PLCZ1: variants seen among roughly 807,000 people sequenced by gnomAD.
PLCZ1 encodes phospholipase C zeta 1.
Under a neutral mutation model 76.8 loss-of-function variants are expected in PLCZ1, and 64 were observed. The observed-to-expected ratio is 0.83, with a 90% CI of 0.68 to 1.03. The LOEUF (loss-of-function observed/expected upper bound fraction) is 1.03, where lower values mean the gene tolerates loss of function less well. PLCZ1 is among the 50% of genes least tolerant of loss of function. The pLI is 0.00. For synonymous variants in PLCZ1, 248 were observed against 230.8 expected, an observed-to-expected ratio of 1.07 and a Z score of -0.68; for missense variants, 751 against 713.7, an observed-to-expected ratio of 1.05 and a Z score of -0.60.
At chr12:18,656,423 G>T in the PLCZ1 span, among the ~76,000 whole-genome samples, 3 of 152,050 alleles carry the variant, frequency 2.0e-5, no homozygotes, top group South Asian at 2.1e-4. Flanking sequence ...AAAATTAGCT[G>T]GGCATGGTGG....
intron 4 of PLCZ1, among the ~76,000 whole-genome samples, chr12:18,721,953 T>C (rs754674677): frequency 3.9e-5 from 6 of 152,032 alleles, no homozygotes; most frequent in Non-Finnish European, 4.4e-5. Flanking sequence ...TAAGAACCTA[T>C]ATGGTTTGAT....
the PLCZ1 span, among the ~76,000 whole-genome samples, chr12:18,659,755 T>A: frequency 1.3e-5 from 2 of 151,330 alleles, no homozygotes; most frequent in Non-Finnish European, 2.9e-5. Context: ...ACACGTGCCA[T>A]ATTGGTGTGC....
intron 13 of PLCZ1, among the ~76,000 whole-genome samples, chr12:18,686,390 A>C (rs536360404): frequency 2.0e-5 from 3 of 152,096 alleles, no homozygotes; most frequent in African/African-American, 7.2e-5. Context: ...GACCCTCCCT[A>C]AATAATTTTC....
chr12:18,734,278 C>G (rs555246691), intron 3 of PLCZ1, among the ~76,000 whole-genome samples: 48 of 152,260 alleles, frequency 3.2e-4, no homozygotes, highest in African/African-American at 1.1e-3. Context: ...AGAAATGCAA[C>G]ACATTTTTAC....
chr12:18,685,612 A>G (rs1411277011), intron 13 of PLCZ1: 1 of 516,430 alleles, frequency 1.9e-6, no homozygotes, highest in Admixed American at 1.9e-5. Context: ...CCACAGAAAT[A>G]GTAAACTAAT....
At chr12:18,671,868 CA>C in the PLCZ1 span, among the ~76,000 whole-genome samples, 1 of 152,136 alleles carries the variant, frequency 6.6e-6, no homozygotes, top group African/African-American at 2.4e-5. Context: ...AAGGCGCCTG[CA>C]GATTCAATGT....
At chr12:18,712,624 A>G (rs1957473495) in intron 6 of PLCZ1, among the ~76,000 whole-genome samples, 1 of 152,136 alleles carries the variant, frequency 6.6e-6, no homozygotes, top group South Asian at 2.1e-4. Flanking sequence ...AGTAAACAAA[A>G]AGTTCCATGA....
chr12:18,736,156 C>T, intron 3 of PLCZ1, 65 bp downstream of exon 3: 4 of 1,553,862 alleles, frequency 2.6e-6, no homozygotes, highest in Middle Eastern at 1.7e-4. Flanking sequence ...CTTTATATGA[C>T]AATTACTGAC....
At chr12:18,728,323 CCTTAT>C (rs779736597) in intron 3 of PLCZ1, among the ~76,000 whole-genome samples, 18 of 152,112 alleles carry the variant, frequency 1.2e-4, no homozygotes, top group Non-Finnish European at 2.4e-4. Flanking sequence ...ACAATAACTT[CCTTAT>C]ATGTTTTTAA....
At chr12:18,650,759 T>G in the PLCZ1 span, among the ~76,000 whole-genome samples, 2 of 109,758 alleles carry the variant, frequency 1.8e-5, no homozygotes, top group South Asian at 3.3e-4. Context: ...TATATATATA[T>G]ATATATTCCA....
At position 18,692,808 on chromosome 12, in the gene PLCZ1, A is replaced by G. The variant is rs1327686887; in HGVS notation, c.1461+2102T>C. 9.2e-6 allele frequency: 14 copies of G among 1,524,168 alleles called. No homozygotes were observed. In the African/African-American group the frequency reaches 1.1e-4, roughly 12 times the overall value. The allele number at this position is 1,524,168 out of a possible 1,614,324, so 94.4% of individuals were successfully genotyped here. On this transcript the variant is annotated intron_variant, in intron 12 of 14. Transcript: ENST00000266505. ...TGGTCATGGTCCTGGAGGTGGCAAG[A>G]AGGATGACAAGCTCTAACAACTCAA...
chr12:18,668,801 C>T, the PLCZ1 span, among the ~76,000 whole-genome samples: 2 of 152,146 alleles, frequency 1.3e-5, no homozygotes, highest in African/African-American at 4.8e-5. Flanking sequence ...CAGGCCTGCC[C>T]AGCTCTGATA....
At chr12:18,697,917 C>T (rs183858690) in intron 10 of PLCZ1, among the ~76,000 whole-genome samples, 1 of 152,136 alleles carries the variant, frequency 6.6e-6, no homozygotes, top group Non-Finnish European at 1.5e-5. Context: ...ATGCTCTATG[C>T]CCCTTCAAAG....
chr12:18,656,962 C>T, the PLCZ1 span, among the ~76,000 whole-genome samples: 1 of 152,136 alleles, frequency 6.6e-6, no homozygotes, highest in Non-Finnish European at 1.5e-5. Context: ...GCCCTAATGA[C>T]AGCAGCTCAC....
At chr12:18,672,826 T>C in the PLCZ1 span, among the ~76,000 whole-genome samples, 1 of 152,090 alleles carries the variant, frequency 6.6e-6, no homozygotes, top group South Asian at 2.1e-4. Flanking sequence ...ACAGAAATGC[T>C]TCGATGTAGT....
At chr12:18,646,342 G>A in the PLCZ1 span, among the ~76,000 whole-genome samples, 1 of 152,164 alleles carries the variant, frequency 6.6e-6, no homozygotes, top group Non-Finnish European at 1.5e-5. Flanking sequence ...TCTCCTGTAT[G>A]GAATGAGAGT....
chr12:18,659,712 TGTG>T, the PLCZ1 span, among the ~76,000 whole-genome samples: 2,351 of 148,524 alleles, frequency 0.016, 58 homozygotes, highest in African/African-American at 0.055. Context: ...TTAGGGCACA[TGTG>T]CACAACGTGC....
the PLCZ1 span, among the ~76,000 whole-genome samples, chr12:18,675,746 A>G: frequency 6.6e-6 from 1 of 152,124 alleles, no homozygotes; most frequent in Non-Finnish European, 1.5e-5. Flanking sequence ...GCTGGAGTCC[A>G]TTATTTTAAG....
At chr12:18,674,325 A>T in the PLCZ1 span, among the ~76,000 whole-genome samples, 1 of 152,160 alleles carries the variant, frequency 6.6e-6, no homozygotes, top group Non-Finnish European at 1.5e-5. Context: ...ACACCTTCAC[A>T]CTATCCTCTG....
Sources: gnomAD v4.1 joint callset for allele counts (sites outside exome capture counted in the v4.1 genomes callset) on GRCh38, gnomAD v4.1.1 for gene constraint, MANE v1.5 for transcripts, NCBI Gene and HGNC (gene_info 2026-07-23, HGNC 2026-07-21) for gene names.